The following CCSER1 variants were observed in gnomAD, a reference collection of about 807,000 sequenced individuals.
CCSER1 encodes the protein coiled-coil serine rich protein 1.
Under a neutral mutation model 82.0 loss-of-function variants are expected in CCSER1, and 41 were observed. The ratio of observed to expected loss-of-function variants is 0.50; its 90% confidence interval spans 0.39 to 0.65. CCSER1 has a LOEUF of 0.65. Among genes scored for constraint, CCSER1 ranks in the 30% least tolerant of loss-of-function variants. The pLI is 0.00. For synonymous variants in CCSER1, 414 were observed against 383.9 expected, an observed-to-expected ratio of 1.08 and a Z score of -0.92; for missense variants, 1,119 against 1,064.2, an observed-to-expected ratio of 1.05 and a Z score of -0.72.
At chr4:90,650,295 C>T (rs1034903404) in intron 6 of CCSER1, among the ~76,000 whole-genome samples, 1 of 151,160 alleles carries the variant, frequency 6.6e-6, no homozygotes, top group Non-Finnish European at 1.5e-5. Flanking sequence ...TCTTTTTGAG[C>T]AAAAAGGAAG....
intron 4 of CCSER1, among the ~76,000 whole-genome samples, chr4:90,406,370 A>G (rs550212394): frequency 3.3e-5 from 5 of 152,170 alleles, no homozygotes; most frequent in African/African-American, 7.2e-5. Context: ...AACAATTACA[A>G]TTAGACCTAA....
chr4:90,413,855 A>T (rs1034896678), intron 4 of CCSER1, among the ~76,000 whole-genome samples: 2 of 144,888 alleles, frequency 1.4e-5, no homozygotes, highest in Admixed American at 6.9e-5. Context: ...AGGCTGAGGC[A>T]GGAGAATGGC....
chr4:91,543,219 G>A (rs1226788470), intron 10 of CCSER1, among the ~76,000 whole-genome samples: 1 of 152,132 alleles, frequency 6.6e-6, no homozygotes, highest in African/African-American at 2.4e-5. Flanking sequence ...TGGGTCTCCT[G>A]AATACAGCAC....
At chr4:90,706,959 A>G (rs1373200802) in intron 6 of CCSER1, among the ~76,000 whole-genome samples, 3 of 152,204 alleles carry the variant, frequency 2.0e-5, no homozygotes, top group African/African-American at 7.2e-5. Flanking sequence ...TATGAAGCTT[A>G]GAGAAGAGGC....
At chr4:91,567,460 C>A (rs1762944814) in intron 10 of CCSER1, among the ~76,000 whole-genome samples, 1 of 152,082 alleles carries the variant, frequency 6.6e-6, no homozygotes, top group Non-Finnish European at 1.5e-5. Context: ...CTTCAGTTAT[C>A]TAATACTGTC....
At chr4:90,194,113 G>C (rs1736160670) in intron 1 of CCSER1, among the ~76,000 whole-genome samples, 1 of 152,058 alleles carries the variant, frequency 6.6e-6, no homozygotes, top group African/African-American at 2.4e-5. Flanking sequence ...AGAGCTGCCT[G>C]ATTACTAGTC....
chr4:91,535,933 C>G lies in CCSER1; in HGVS notation c.2218-62639C>G, dbSNP rs573121989. 4.7e-4 allele frequency among the ~76,000 whole-genome samples: 71 copies of G among 152,190 alleles called. 1 individual carries two copies. The Middle Eastern group carries it at 0.017, about 37-fold the overall frequency. ...TACTTGGCACCTCCTTAACCTTGGC[C>G]TTTCCCTTTTGTCCTCTCTTCTCTT... is the stretch of plus-strand genomic sequence containing the variant. On this transcript the variant is annotated intron_variant, in intron 10 of 10. Transcript: ENST00000509176.
chr4:90,520,582 T>C (rs1003495423), intron 5 of CCSER1, among the ~76,000 whole-genome samples: 1 of 152,160 alleles, frequency 6.6e-6, no homozygotes, highest in African/African-American at 2.4e-5. Flanking sequence ...TTAGTAGACT[T>C]TTTTCTTACA....
At chr4:90,452,803 C>CT (rs1445755663) in intron 4 of CCSER1, among the ~76,000 whole-genome samples, 1 of 152,130 alleles carries the variant, frequency 6.6e-6, no homozygotes, top group Non-Finnish European at 1.5e-5. Flanking sequence ...CCAAGAATGC[C>CT]TCAGTTGCTT....
At chr4:90,525,087 A>G (rs1204259003) in intron 5 of CCSER1, among the ~76,000 whole-genome samples, 2 of 152,114 alleles carry the variant, frequency 1.3e-5, no homozygotes, top group Admixed American at 6.5e-5. Flanking sequence ...TTTTATATGA[A>G]GCTAATACAA....
At chr4:90,945,976 A>G (rs1054198355) in intron 9 of CCSER1, among the ~76,000 whole-genome samples, 6 of 152,196 alleles carry the variant, frequency 3.9e-5, no homozygotes, top group Non-Finnish European at 8.8e-5. Flanking sequence ...CTTGCTCACA[A>G]TTACATGACT....
At chr4:90,165,139 C>T (rs1730217792) in intron 1 of CCSER1, among the ~76,000 whole-genome samples, 1 of 152,020 alleles carries the variant, frequency 6.6e-6, no homozygotes, top group South Asian at 2.1e-4. Flanking sequence ...TAGTGTAATG[C>T]TTATGCTTCA....
chr4:91,489,927 G>T (rs76204788), intron 10 of CCSER1, among the ~76,000 whole-genome samples: 2,817 of 152,136 alleles, frequency 0.019, 76 homozygotes, highest in African/African-American at 0.061. Flanking sequence ...TTAAAAACTA[G>T]GCAAAAGATA....
chr4:90,998,410 C>T (rs901374453), intron 9 of CCSER1, among the ~76,000 whole-genome samples: 13 of 152,032 alleles, frequency 8.6e-5, no homozygotes, highest in Admixed American at 6.6e-4. Context: ...TATTTATTTT[C>T]CGTGGATTTT....
At position 91,085,912 on chromosome 4, in the gene CCSER1, C is replaced by T. The variant is rs368375566; in HGVS notation, c.2173-38C>T. The stretch of plus-strand genomic sequence containing the variant: ...TAATATGAATTATTATTTAATTCTT[C>T]GTTGCCAATAATAATATACTTTGCT... On this transcript the variant is annotated intron_variant, in intron 9 of 10. Coordinates refer to ENST00000509176, the MANE Select transcript of CCSER1 (RefSeq NM_001145065.2). 2,249 of 1,142,642 alleles carry T rather than the reference C, an allele frequency of 2.0e-3. 5 individuals carry two copies. Among genetic ancestry groups the T allele is most frequent in the Non-Finnish European group, 2.7e-3 (2,131 of 783,922 alleles). 70.8% of individuals were successfully genotyped at this position (1,142,642 alleles called of 1,614,324 possible). A position where few individuals can be genotyped will look rare whatever the true frequency, so the allele number is the denominator to read the frequency against.
chr4:90,682,750 A>G lies in CCSER1; in HGVS notation c.1933-41164A>G, dbSNP rs149682566. 5.7e-3 allele frequency among the ~76,000 whole-genome samples: 868 copies of G among 152,126 alleles called. 12 individuals carry two copies. The highest frequency in any genetic ancestry group is 0.02 in the African/African-American group (819 of 41,518). On this transcript the variant is annotated intron_variant, in intron 6 of 10. Transcript: ENST00000509176. ...GCTCTTTTGTCCTTGAACATATATAATAGTTTGTGTAAATTCTCAGAATTT... is the reference window on the plus strand; with the variant it reads ...GCTCTTTTGTCCTTGAACATATATAGTAGTTTGTGTAAATTCTCAGAATTT...
intron 5 of CCSER1, among the ~76,000 whole-genome samples, chr4:90,565,608 T>TC (rs1168613037): frequency 1.3e-5 from 2 of 152,238 alleles, no homozygotes; most frequent in Non-Finnish European, 2.9e-5. Flanking sequence ...GGAAAAGTCT[T>TC]TAGCTGTTCC....
At chr4:91,089,160 C>G (rs192315174) in intron 10 of CCSER1, among the ~76,000 whole-genome samples, 12 of 152,204 alleles carry the variant, frequency 7.9e-5, no homozygotes, top group African/African-American at 2.4e-4. Flanking sequence ...AAAGATTTTA[C>G]ATGAAAGGGC....
intron 10 of CCSER1, among the ~76,000 whole-genome samples, chr4:91,199,445 C>T (rs1055098943): frequency 6.6e-6 from 1 of 151,996 alleles, no homozygotes; most frequent in African/African-American, 2.4e-5. Context: ...AGTGTTAATT[C>T]TTAGAATAAG....
Sources: gnomAD v4.1 joint callset for allele counts (sites outside exome capture counted in the v4.1 genomes callset) on GRCh38, gnomAD v4.1.1 for gene constraint, MANE v1.5 for transcripts, NCBI Gene and HGNC (gene_info 2026-07-23, HGNC 2026-07-21) for gene names.